Variants in LRIG3 observed in about 807,000 individuals in gnomAD.
The protein encoded by LRIG3 is leucine rich repeats and immunoglobulin like domains 3, also known as leucine-rich repeats and immunoglobulin-like domains protein 3.
In LRIG3, 76 loss-of-function variants were observed where a neutral mutation model predicts 114.5. That is an observed-to-expected ratio of 0.66 (90% confidence interval 0.55 to 0.80). LRIG3 has a LOEUF of 0.80. Ranked by LOEUF, LRIG3 falls within the 30% of genes least tolerant of loss-of-function variation. The pLI is 0.00. For missense variants in LRIG3, 1,239 were observed against 1,382.8 expected (o/e 0.90, Z 1.65); for synonymous variants, 512 against 519.8 (o/e 0.98, Z 0.20).
chr12:58,918,476 T>C lies in LRIG3; in HGVS notation c.236+1524A>G, dbSNP rs139977973. On this transcript the variant is annotated intron_variant, in intron 1 of 18. Coordinates refer to ENST00000320743, the MANE Select transcript of LRIG3 (RefSeq NM_153377.5). ...CACTAGCATGATCACAATAGACAACTTGACATTGAAAAACTATCGAATACA... is the reference window on the plus strand; with the variant it reads ...CACTAGCATGATCACAATAGACAACCTGACATTGAAAAACTATCGAATACA... 2.0e-4 allele frequency among the ~76,000 whole-genome samples: 31 copies of C among 152,286 alleles called. No homozygotes were observed. In the East Asian group the frequency reaches 5.6e-3, roughly 28 times the overall value.
chr12:58,898,173 C>A (rs1462079321), intron 3 of LRIG3, among the ~76,000 whole-genome samples: 2 of 152,194 alleles, frequency 1.3e-5, no homozygotes, highest in Non-Finnish European at 2.9e-5. Context: ...AATCAACCTG[C>A]TGATAAGATC....
rs184949213 is a variant in LRIG3, at chr12:58,878,804, A to C, written c.2083+20T>G. The C allele has an allele frequency of 9.9e-3, 15,882 of 1,604,346 alleles. 131 individuals are homozygous for C. The highest frequency in any genetic ancestry group is 0.027 in the South Asian group (2,412 of 90,120). ...CTTCAAGACTGATTTATACTACAGA[A>C]TCTTAACAAATTCACCCACCTAGGA... On this transcript the variant is annotated intron_variant, in intron 14 of 18. Coordinates refer to ENST00000320743, the MANE Select transcript of LRIG3 (RefSeq NM_153377.5).
At chr12:58,917,806 A>C (rs1872535127) in intron 1 of LRIG3, among the ~76,000 whole-genome samples, 1 of 152,238 alleles carries the variant, frequency 6.6e-6, no homozygotes, top group Admixed American at 6.5e-5. Flanking sequence ...AGATATGGGG[A>C]ACAAAAACAT....
In LRIG3 at chr12:58,886,891, C is replaced by T. The variant is rs963946648; in HGVS notation, c.1092-1G>A. The T allele has an allele frequency of 6.2e-7, 1 of 1,611,696 alleles. No homozygotes were observed. The highest frequency in any genetic ancestry group is 8.5e-7 in the Non-Finnish European group (1 of 1,178,182). ...GGAAATTTCATTGTTCTTCAGATCC[C>T]TAATTTTAAAAGAAGCATTCCCTTT... On this transcript the variant is annotated splice_acceptor_variant, in intron 8 of 18. Coordinates refer to ENST00000320743, the MANE Select transcript of LRIG3 (RefSeq NM_153377.5). LOFTEE classifies it high-confidence loss of function.
At position 58,890,054 on chromosome 12, in the gene LRIG3, T is replaced by C. The variant is rs375127244; in HGVS notation, c.601A>G (p.Arg201Gly). 8 of 1,613,834 alleles carry C rather than the reference T, an allele frequency of 5.0e-6. No individual in the cohort carries two copies. Among genetic ancestry groups the C allele is most frequent in the South Asian group, 1.1e-5 (1 of 91,048 alleles). Reference protein sequence around the residue: ...ANTLLVLKLNRNRISAIPPKM... With the variant: ...ANTLLVLKLNGNRISAIPPKM... ...GGTGGGATAGCTGAGATTCGGTTCC[T>C]GTTCAGCTTTAACACAAGGAGTGTG... The change falls in exon 5 of 19, where the codon AGG becomes GGG. Residue 201 changes from arginine to glycine, a missense_variant. Coordinates refer to ENST00000320743, the MANE Select transcript of LRIG3 (RefSeq NM_153377.5).
rs761355712 is a variant in LRIG3, at chr12:58,874,313, T to G, written c.2857A>C (p.Arg953=). ...TYHTGCSPDP[R]TVLMDHYEPS... is the part of the protein sequence containing the mutation. ...TCATAGTGGTCCATTAAAACTGTTC[T>G]TGGGTCAGGACTGCAACCTTTTTAA... is the stretch of plus-strand genomic sequence containing the variant. Residue 953 remains arginine, a synonymous_variant, in exon 18 of 19, where the codon AGA becomes CGA. Transcript: ENST00000320743. The G allele has an allele frequency of 1.2e-5, 20 of 1,611,912 alleles. No individual in the cohort carries two copies. The highest frequency in any genetic ancestry group is 1.6e-5 in the Non-Finnish European group (19 of 1,179,256).
At chr12:58,910,962 T>G (rs1390186824) in intron 3 of LRIG3, among the ~76,000 whole-genome samples, 1 of 151,992 alleles carries the variant, frequency 6.6e-6, no homozygotes, top group African/African-American at 2.4e-5. Flanking sequence ...AGAGTTTTAC[T>G]GTAAGATATG....
At position 58,888,358 on chromosome 12, in the gene LRIG3, G is replaced by A. The variant is rs1485547497; in HGVS notation, c.918C>T (p.Ala306=). ...CACTGAGCTTCTGGCAGAACTCCCAGGCATCAGGGCTGATCCTGTTGATGG... is the reference window on the plus strand; with the variant it reads ...CACTGAGCTTCTGGCAGAACTCCCAAGCATCAGGGCTGATCCTGTTGATGG... ...QNAINRISPD[A]WEFCQKLSEL... is the part of the protein sequence containing the mutation. Residue 306 remains alanine (A), a synonymous_variant, in exon 7 of 19, where the codon GCC becomes GCT. Transcript: ENST00000320743. The A allele has an allele frequency of 3.1e-6, 5 of 1,613,354 alleles. No homozygotes were observed. The highest frequency in any genetic ancestry group is 1.1e-5 in the South Asian group (1 of 91,012).
rs1270597440 is a variant in LRIG3 at position 58,877,631 on chromosome 12, T to A, written c.2305A>T (p.Met769Leu). The A allele has an allele frequency of 3.1e-6, 5 of 1,614,036 alleles. No homozygotes were observed. The East Asian group carries it at 1.1e-4, about 36-fold the overall frequency. Reference sequence around the variant, plus strand: ...CTCTCAGTGCCAAGGGTGTTAGACATCTCACATGTGTATTTCCCAGCATCA... The same window carrying A: ...CTCTCAGTGCCAAGGGTGTTAGACAACTCACATGTGTATTTCCCAGCATCA... ...VSDAGKYTCE[M>L]SNTLGTERGN... The change falls in exon 15 of 19, where the codon ATG becomes TTG. Residue 769 changes from methionine to leucine, a missense_variant. Met to Leu is a conservative substitution (Grantham distance 15). Transcript: ENST00000320743.
chr12:58,903,598 T>C (rs980357051), intron 3 of LRIG3, among the ~76,000 whole-genome samples: 4 of 152,028 alleles, frequency 2.6e-5, no homozygotes, highest in Non-Finnish European at 5.9e-5. Flanking sequence ...TTTTGTCTTT[T>C]GTTGCCATTG....
chr12:58,892,568 G>A (rs1308374381), intron 3 of LRIG3, among the ~76,000 whole-genome samples: 3 of 152,136 alleles, frequency 2.0e-5, no homozygotes, highest in South Asian at 2.1e-4. Flanking sequence ...GCAAGCTGAC[G>A]TCAAACTTAC....
chr12:58,919,623 C>G (rs1872599427), intron 1 of LRIG3: 1 of 1,488,684 alleles, frequency 6.7e-7, no homozygotes, highest in Non-Finnish European at 8.9e-7. Flanking sequence ...GCGAGAACTG[C>G]AAACTCCTGA....
Position 58,872,739 on chromosome 12 carries a change from T to C in LRIG3, c.3193A>G (p.Arg1065Gly). 1 of 1,614,140 alleles carries C rather than the reference T, an allele frequency of 6.2e-7. No homozygotes were observed. The highest frequency in any genetic ancestry group is 1.1e-5 in the South Asian group (1 of 91,082). The change falls in exon 19 of 19, where the codon AGA becomes GGA. Residue 1065 changes from arginine to glycine, a missense_variant. Transcript: ENST00000320743. ...GAATGAGCTTTCAAATAAAAGGCTC[T>C]TGGCTGACAATCTGATGGCTGTCCA... ...SFGQPSDCQPRAFYLKAHSSP... is the reference protein window; with the variant it reads ...SFGQPSDCQPGAFYLKAHSSP...
chr12:58,880,288 A>G, intron 13 of LRIG3: 3 of 462,372 alleles, frequency 6.5e-6, no homozygotes, highest in South Asian at 5.4e-5. Context: ...TGACAGTGCA[A>G]GATTCCGTCT....
chr12:58,894,207 A>G (rs974553533), intron 3 of LRIG3, among the ~76,000 whole-genome samples: 29 of 152,256 alleles, frequency 1.9e-4, no homozygotes, highest in African/African-American at 7.0e-4. Flanking sequence ...TCGCAGTGTG[A>G]AAGTGCTCAG....
rs1565612435 is a variant in LRIG3, at chr12:58,874,155, A to G, written c.3015T>C (p.Asn1005=). 1 of 1,614,240 alleles carries G rather than the reference A, an allele frequency of 6.2e-7. No homozygotes were observed. Among genetic ancestry groups the G allele is most frequent in the Admixed American group, 1.7e-5 (1 of 60,028 alleles). The change falls in exon 18 of 19, where the codon AAT becomes AAC. Residue 1005 remains asparagine, a synonymous_variant. Transcript: ENST00000320743. ...ACAGATTTTTCATTCCAGGTCCTTCATTGTGAGAGTAACTAGTGTTAAGTA... is the reference window on the plus strand; with the variant it reads ...ACAGATTTTTCATTCCAGGTCCTTCGTTGTGAGAGTAACTAGTGTTAAGTA... ...RKLLNTSYSH[N]EGPGMKNLCL... is the part of the protein sequence containing the mutation.
In LRIG3 at chr12:58,872,528, C is replaced by T; in HGVS notation, c.*44G>A. 6.7e-7 allele frequency: 1 copy of T among 1,489,950 alleles called. No individual in the cohort carries two copies. Among genetic ancestry groups the T allele is most frequent in the Non-Finnish European group, 9.0e-7 (1 of 1,116,170 alleles). 92.3% of individuals were successfully genotyped at this position (1,489,950 alleles called of 1,614,324 possible). ...ATTCTCTCTCTTTTAAATAAAAGTT[C>T]ACTTGAGGTAGTATGTTAAGCTTTT... On this transcript the variant is annotated 3_prime_UTR_variant, in exon 19 of 19. Coordinates refer to ENST00000320743, the MANE Select transcript of LRIG3 (RefSeq NM_153377.5).
intron 3 of LRIG3, 119 bp from the exon 4 acceptor site, chr12:58,890,915 A>T (rs1871436546): frequency 1.1e-6 from 1 of 903,796 alleles, no homozygotes; most frequent in Non-Finnish European, 1.6e-6. Context: ...TCTGAACAGT[A>T]CTTTTAAAAG....
Position 58,885,875 on chromosome 12 carries a change from A to G in LRIG3, c.1200T>C (p.Ser400=), listed in dbSNP as rs892525704. The change falls in exon 10 of 19, where the codon TCT becomes TCC. Residue 400 remains serine (S), a synonymous_variant. Transcript: ENST00000320743. Reference sequence around the variant, plus strand: ...AACCAGTGAAGGCTTTTTTAGTAATAGAACGGATCCGATTTCCTTGGAGTA... The same window carrying G: ...AACCAGTGAAGGCTTTTTTAGTAATGGAACGGATCCGATTTCCTTGGAGTA... The part of the protein sequence containing the change: ...RLILQGNRIR[S]ITKKAFTGLD... 18 of 1,590,748 alleles carry G rather than the reference A, an allele frequency of 1.1e-5. No homozygotes were observed. Among genetic ancestry groups the G allele is most frequent in the Non-Finnish European group, 1.5e-5 (18 of 1,165,286 alleles).
Sources: allele counts gnomAD v4.1 joint callset (sites outside exome capture counted in the v4.1 genomes callset), GRCh38; gene constraint gnomAD v4.1.1; transcripts MANE v1.5; gene names NCBI Gene and HGNC (gene_info 2026-07-23, HGNC 2026-07-21).